Variants in LTBP3 observed in about 807,000 individuals in gnomAD.
LTBP3 encodes the protein latent-transforming growth factor beta-binding protein 3.
In LTBP3, 97 loss-of-function variants were observed where a neutral mutation model predicts 159.7. That is an observed-to-expected ratio of 0.61 (90% CI 0.52 to 0.72). The LOEUF (loss-of-function observed/expected upper bound fraction) is 0.72, where lower values mean the gene tolerates loss of function less well. Among genes scored for constraint, LTBP3 ranks in the 30% least tolerant of loss-of-function variants. LTBP3 has a pLI of 0.00. For synonymous variants in LTBP3, 824 were observed against 777.1 expected (o/e 1.06, Z -1.00); for missense variants, 1,584 against 1,864.3 (o/e 0.85, Z 2.77).
chr11:65,546,933 G>C lies in LTBP3; in HGVS notation c.2108-13C>G. On this transcript the variant is annotated splice_polypyrimidine_tract_variant and intron_variant, in intron 14 of 27. Transcript: ENST00000301873. The surrounding 1 kb of genome is among the most constrained non-coding windows in gnomAD (Gnocchi z 4.0). ...CACTCGTCGATGTCTGCACGGGAGG[G>C]AGAAGGAAGAGGACCCATCTGGGGA... The C allele has an allele frequency of 7.5e-6, 12 of 1,610,222 alleles. No individual in the cohort carries two copies. Among genetic ancestry groups the C allele is most frequent in the Non-Finnish European group, 1.0e-5 (12 of 1,179,946 alleles).
chr11:65,540,826 C>G, intron 21 of LTBP3, 45 bp downstream of exon 21: 2 of 1,579,500 alleles, frequency 1.3e-6, no homozygotes, highest in Non-Finnish European at 1.7e-6. Flanking sequence ...CGAGCCCAAC[C>G]CGGGGTGAGA....
At chr11:65,551,042 G>T in intron 11 of LTBP3, 84 bp downstream of exon 11, 1 of 1,126,202 alleles carries the variant, frequency 8.9e-7, no homozygotes, top group Non-Finnish European at 1.3e-6. Flanking sequence ...TAGCGCTAGG[G>T]AATGCCTGGG....
Position 65,539,033 on chromosome 11 carries a change from T to C in LTBP3, c.*47A>G, listed in dbSNP as rs1465501084. On this transcript the variant is annotated 3_prime_UTR_variant, in exon 28 of 28. Transcript: ENST00000301873. Reference sequence around the variant, plus strand: ...AGAAGTGAGGCCGAGCTCGCGGAAATCCCTCAGTGATCACCGAGGTCTGGG... The same window carrying C: ...AGAAGTGAGGCCGAGCTCGCGGAAACCCCTCAGTGATCACCGAGGTCTGGG... 7.5e-7 allele frequency: 1 copy of C among 1,330,538 alleles called. No individual in the cohort carries two copies. Among genetic ancestry groups the C allele is most frequent in the Non-Finnish European group, 9.6e-7 (1 of 1,041,738 alleles). The allele number at this position is 1,330,538 out of a possible 1,614,324, so 82.4% of individuals were successfully genotyped here.
rs767385805 is a variant in LTBP3 at position 65,540,618 on chromosome 11, CG to C, written c.2978-5del. 1 of 1,598,482 alleles carries C rather than the reference CG, an allele frequency of 6.3e-7. No individual in the cohort carries two copies. The highest frequency in any genetic ancestry group is 1.7e-5 in the Admixed American group (1 of 59,106). On this transcript the variant is annotated splice_region_variant and splice_polypyrimidine_tract_variant and intron_variant, in intron 21 of 27. Transcript: ENST00000301873. Reference sequence around the variant, plus strand: ...AACAACATGCACTCGTCGATGTCTGCGGGGTGACAAACACTGGCCGCTCCGG... The same window carrying C: ...AACAACATGCACTCGTCGATGTCTGCGGGTGACAAACACTGGCCGCTCCGG...
chr11:65,544,159 ATC>A (rs1856270592), intron 16 of LTBP3: 1 of 164,174 alleles, frequency 6.1e-6, no homozygotes, highest in African/African-American at 2.4e-5. Context: ...ACATTCCTGG[ATC>A]TCTCGGCTTC....
intron 10 of LTBP3, 65 bp from the exon 11 acceptor site, chr11:65,551,289 C>G: frequency 6.5e-7 from 1 of 1,530,644 alleles, no homozygotes; most frequent in South Asian, 1.2e-5. Context: ...CCACTTCAGT[C>G]TTGGCCCGGC....
chr11:65,543,027 G>T, intron 18 of LTBP3, 78 bp downstream of exon 18: 1 of 1,587,768 alleles, frequency 6.3e-7, no homozygotes. Flanking sequence ...ATGGATGGAT[G>T]GAGAAAGGCC....
At position 65,555,978 on chromosome 11, in the gene LTBP3, G is replaced by C. The variant is rs754705043; in HGVS notation, c.332-1598C>G. Among the ~76,000 whole-genome samples the C allele has an allele frequency of 5.3e-5, 8 of 152,148 alleles. No homozygotes were observed. The South Asian group carries it at 1.0e-3, about 20-fold the overall frequency. On this transcript the variant is annotated intron_variant, in intron 1 of 27. Coordinates refer to ENST00000301873, the MANE Select transcript of LTBP3 (RefSeq NM_001130144.3). ...CAGAGCAGAGGGGTGTGTCCTGGGC[G>C]GGGGGAGGTAGGATTCTCTTTTTCC...
chr11:65,546,912 C>T lies in LTBP3; in HGVS notation c.2116G>A (p.Glu706Lys). 6.2e-7 allele frequency: 1 copy of T among 1,612,128 alleles called. No homozygotes were observed. Among genetic ancestry groups the T allele is most frequent in the East Asian group, 2.2e-5 (1 of 44,888 alleles). Residue 706 changes from glutamate (E) to lysine (K), a missense_variant, in exon 15 of 28, where the codon GAG becomes AAG. By Grantham distance (56) the Glu-to-Lys change is moderately conservative. Transcript: ENST00000301873. This position sits in a 1 kb window ranked among gnomAD's most constrained non-coding sequence, Gnocchi z 4.0. ...SRPPVCEDID[E>K]CRDPSSCPDG... Reference sequence around the variant, plus strand: ...GGGCAAGAGCTTGGGTCCCGGCACTCGTCGATGTCTGCACGGGAGGGAGAA... The same window carrying T: ...GGGCAAGAGCTTGGGTCCCGGCACTTGTCGATGTCTGCACGGGAGGGAGAA...
intron 11 of LTBP3, among the ~76,000 whole-genome samples, chr11:65,549,725 C>T (rs1027562061): frequency 3.4e-5 from 5 of 145,182 alleles, no homozygotes; most frequent in Admixed American, 2.8e-4. Flanking sequence ...GCCACAGTTT[C>T]CCAGTTTTCA....
rs773485981 is a variant in LTBP3 at position 65,547,593 on chromosome 11, G to C, written c.1979-26C>G. The C allele has an allele frequency of 1.2e-6, 2 of 1,612,562 alleles. No homozygotes were observed. Among genetic ancestry groups the C allele is most frequent in the Non-Finnish European group, 8.5e-7 (1 of 1,179,058 alleles). On this transcript the variant is annotated intron_variant, in intron 13 of 27. Transcript: ENST00000301873. This position sits in a 1 kb window ranked among gnomAD's most constrained non-coding sequence, Gnocchi z 4.6. Reference sequence around the variant, plus strand: ...CTGTGCGGGAGGAAGGGGCCACGAAGGGGGTGTAGGAGGCGGCGGGCAAGG... The same window carrying C: ...CTGTGCGGGAGGAAGGGGCCACGAACGGGGTGTAGGAGGCGGCGGGCAAGG...
intron 16 of LTBP3, 90 bp from the exon 17 acceptor site, chr11:65,543,639 C>G: frequency 1.3e-6 from 2 of 1,545,026 alleles, no homozygotes; most frequent in Non-Finnish European, 1.8e-6. Flanking sequence ...GCCTGGAGCA[C>G]CAGAGCTGAG....
chr11:65,556,667 C>T (rs377092270), intron 1 of LTBP3, among the ~76,000 whole-genome samples: 5 of 152,336 alleles, frequency 3.3e-5, no homozygotes, highest in Admixed American at 1.3e-4. Context: ...GGGCAATATG[C>T]GCACAGACAC....
chr11:65,556,458 G>C (rs1333645423), intron 1 of LTBP3, among the ~76,000 whole-genome samples: 8 of 152,186 alleles, frequency 5.3e-5, no homozygotes, highest in African/African-American at 1.7e-4. Flanking sequence ...AACCCAGAAG[G>C]GGGAGGTTGC....
In LTBP3 at chr11:65,551,472, C is replaced by A. The variant is rs369318543; in HGVS notation, c.1551G>T (p.Pro517=). ...GCTGCACTGACCTCTCCTCACTCAC[C>A]GGCTGCGGGTGACAGCAGCATGAGC... ...EEERGVTTDS[P]VSEERSVQQS... is the part of the protein sequence containing the mutation. Residue 517 remains proline, a splice_region_variant and synonymous_variant, in exon 10 of 28, where the codon CCG becomes CCT. Transcript: ENST00000301873. 8 of 1,614,062 alleles carry A rather than the reference C, an allele frequency of 5.0e-6. No individual in the cohort carries two copies. Among genetic ancestry groups the A allele is most frequent in the South Asian group, 3.3e-5 (3 of 91,086 alleles).
chr11:65,538,980 TC>T lies in LTBP3; in HGVS notation c.*99del. 1 of 1,312,898 alleles carries T rather than the reference TC, an allele frequency of 7.6e-7. No individual in the cohort carries two copies. The highest frequency in any genetic ancestry group is 9.7e-7 in the Non-Finnish European group (1 of 1,031,966). 81.3% of individuals were successfully genotyped at this position (1,312,898 alleles called of 1,614,324 possible). A position where few individuals can be genotyped will look rare whatever the true frequency, so the allele number is the denominator to read the frequency against. On this transcript the variant is annotated 3_prime_UTR_variant, in exon 28 of 28. Coordinates refer to ENST00000301873, the MANE Select transcript of LTBP3 (RefSeq NM_001130144.3). The stretch of plus-strand genomic sequence containing the variant: ...CGGGAGGGTCTGCGGGCCCTGAAGG[TC>T]CCTGGGTCCGAGCCACAAGTCGGGG...
Position 65,539,702 on chromosome 11 carries a change from C to T in LTBP3, c.3547+18G>A, listed in dbSNP as rs951867225. ...CCCCCATCCTCGCTCCCGGCCAACTCCTCCCCGACTGCCTTACCCGCGCCG... is the reference window on the plus strand; with the variant it reads ...CCCCCATCCTCGCTCCCGGCCAACTTCTCCCCGACTGCCTTACCCGCGCCG... On this transcript the variant is annotated intron_variant, in intron 25 of 27. Coordinates refer to ENST00000301873, the MANE Select transcript of LTBP3 (RefSeq NM_001130144.3). 3 of 1,563,810 alleles carry T rather than the reference C, an allele frequency of 1.9e-6. No individual in the cohort carries two copies. The African/African-American group carries it at 4.1e-5, about 21-fold the overall frequency.
In LTBP3 at chr11:65,538,643, G is replaced by A. The variant is rs1855863642; in HGVS notation, c.*437C>T. ...TTATTGTACAAACCATGTGAGCCCG[G>A]CCGGCCCAGCCAGGCCATCTCACGT... is the stretch of plus-strand genomic sequence containing the variant. On this transcript the variant is annotated 3_prime_UTR_variant, in exon 28 of 28. Coordinates refer to ENST00000301873, the MANE Select transcript of LTBP3 (RefSeq NM_001130144.3). 2 of 1,491,316 alleles carry A rather than the reference G, an allele frequency of 1.3e-6. No homozygotes were observed. The highest frequency in any genetic ancestry group is 2.6e-5 in the South Asian group (2 of 77,582). The allele number at this position is 1,491,316 out of a possible 1,614,324, so 92.4% of individuals were successfully genotyped here.
chr11:65,551,587 C>T (rs1476692595), intron 8 of LTBP3, 23 bp from the exon 9 acceptor site: 1 of 1,613,876 alleles, frequency 6.2e-7, no homozygotes, highest in South Asian at 1.1e-5. Flanking sequence ...AAGATGGGGC[C>T]ATGAAGTGTT....
Sources: gnomAD v4.1 joint callset for allele counts (sites outside exome capture counted in the v4.1 genomes callset) on GRCh38, gnomAD v4.1.1 for gene constraint, Gnocchi (gnomAD v3.1) non-coding constraint, MANE v1.5 for transcripts, NCBI Gene and HGNC (gene_info 2026-07-23, HGNC 2026-07-21) for gene names.